OPCML: variants seen among roughly 807,000 people sequenced by gnomAD.
OPCML encodes opioid binding protein/cell adhesion molecule like, also known as opioid-binding protein/cell adhesion molecule.
OPCML carries 13 observed loss-of-function variants against 37.8 expected under a neutral mutation model. The ratio of observed to expected loss-of-function variants is 0.34; its 90% CI spans 0.22 to 0.55. The LOEUF (loss-of-function observed/expected upper bound fraction) is 0.55, where lower values mean the gene tolerates loss of function less well. OPCML is among the 20% of genes least tolerant of loss of function. OPCML has a pLI of 0.91. For missense variants in OPCML, 341 were observed against 435.6 expected (o/e 0.78, Z 1.93); for synonymous variants, 176 against 168.8 (o/e 1.04, Z -0.33).
intron 2 of OPCML, among the ~76,000 whole-genome samples, chr11:132,760,415 C>T (rs1463905591): frequency 1.3e-5 from 2 of 152,014 alleles, no homozygotes; most frequent in Non-Finnish European, 2.9e-5. Flanking sequence ...GTCTCCCCCT[C>T]TTATTGTGTG....
chr11:132,957,164 T>G (rs1292547674), intron 1 of OPCML, among the ~76,000 whole-genome samples: 1 of 152,046 alleles, frequency 6.6e-6, no homozygotes, highest in Non-Finnish European at 1.5e-5. Context: ...AAACAGTCCC[T>G]CTGGGTCATG....
rs538113259 is a variant in OPCML, at chr11:132,957,669, A to G, written c.62-14659T>C. 2.0e-5 allele frequency among the ~76,000 whole-genome samples: 3 copies of G among 151,542 alleles called. No homozygotes were observed. The East Asian group carries it at 5.8e-4, about 29-fold the overall frequency. Reference sequence around the variant, plus strand: ...TATCGGCACCATTTTTTCCAGCAACATGTACTCACTCTGTCTCTGTGCCAC... The same window carrying G: ...TATCGGCACCATTTTTTCCAGCAACGTGTACTCACTCTGTCTCTGTGCCAC... On this transcript the variant is annotated intron_variant, in intron 1 of 7. Transcript: ENST00000524381.
intron 3 of OPCML, among the ~76,000 whole-genome samples, chr11:132,653,425 G>A (rs1941537218): frequency 6.6e-6 from 1 of 152,094 alleles, no homozygotes; most frequent in Non-Finnish European, 1.5e-5. Flanking sequence ...GCTCTGCGGG[G>A]CTGCCAGGCT....
At chr11:132,854,625 A>T (rs1446058700) in intron 2 of OPCML, among the ~76,000 whole-genome samples, 1 of 152,240 alleles carries the variant, frequency 6.6e-6, no homozygotes, top group Non-Finnish European at 1.5e-5. Flanking sequence ...GGGAGGAAAC[A>T]AGGATAAAAA....
chr11:133,161,128 G>T (rs1950136141), intron 1 of OPCML, among the ~76,000 whole-genome samples: 1 of 152,224 alleles, frequency 6.6e-6, no homozygotes, highest in Admixed American at 6.5e-5. Flanking sequence ...AGACAAGCCA[G>T]GGCACACCTT....
At chr11:132,508,118 C>A (rs568487581) in intron 4 of OPCML, among the ~76,000 whole-genome samples, 1 of 152,172 alleles carries the variant, frequency 6.6e-6, no homozygotes, top group South Asian at 2.1e-4. Context: ...GGCAAAGTAA[C>A]CGTTAACCAT....
intron 2 of OPCML, among the ~76,000 whole-genome samples, chr11:132,858,336 C>T (rs1156939511): frequency 6.6e-6 from 1 of 152,178 alleles, no homozygotes; most frequent in Admixed American, 6.5e-5. Flanking sequence ...GCCAGGGTGC[C>T]TCCTTCCTCT....
intron 3 of OPCML, among the ~76,000 whole-genome samples, chr11:132,579,108 G>A (rs2137618178): frequency 6.6e-6 from 1 of 152,266 alleles, no homozygotes; most frequent in African/African-American, 2.4e-5. Flanking sequence ...ATCAACTGGG[G>A]GGAGGCCTAT....
At chr11:132,773,871 A>C (rs538687491) in intron 2 of OPCML, among the ~76,000 whole-genome samples, 1 of 152,306 alleles carries the variant, frequency 6.6e-6, no homozygotes, top group South Asian at 2.1e-4. Flanking sequence ...AAACATACTT[A>C]GAAACAACTC....
At chr11:132,915,229 A>AC (rs1327058938) in intron 2 of OPCML, among the ~76,000 whole-genome samples, 1 of 152,094 alleles carries the variant, frequency 6.6e-6, no homozygotes, top group Non-Finnish European at 1.5e-5. Context: ...TCAACATTAT[A>AC]TATGTGAACG....
At chr11:132,802,832 AG>A (rs1227881278) in intron 2 of OPCML, among the ~76,000 whole-genome samples, 2 of 152,160 alleles carry the variant, frequency 1.3e-5, no homozygotes, top group Admixed American at 6.5e-5. Context: ...TGATTTCTGT[AG>A]GTAGATGGGA....
chr11:132,970,376 A>T (rs1432768118), intron 1 of OPCML, among the ~76,000 whole-genome samples: 1 of 152,176 alleles, frequency 6.6e-6, no homozygotes, highest in Non-Finnish European at 1.5e-5. Flanking sequence ...AAAAATGCAA[A>T]GGAGAGAAAT....
intron 1 of OPCML, among the ~76,000 whole-genome samples, chr11:133,245,911 G>A (rs1940906416): frequency 6.6e-6 from 1 of 151,998 alleles, no homozygotes; most frequent in African/African-American, 2.4e-5. Flanking sequence ...AGTGGGAGTT[G>A]AACAATGAGA....
At chr11:133,434,422 A>G (rs1297272074) in intron 1 of OPCML, among the ~76,000 whole-genome samples, 1 of 150,962 alleles carries the variant, frequency 6.6e-6, no homozygotes, top group Non-Finnish European at 1.5e-5. Context: ...TATTGAATAT[A>G]TATCAGACCT....
chr11:133,518,798 T>C (rs1213158256), intron 1 of OPCML, among the ~76,000 whole-genome samples: 1 of 151,958 alleles, frequency 6.6e-6, no homozygotes, highest in African/African-American at 2.4e-5. Context: ...TCCTGGTGTG[T>C]TGGGGGCTGG....
intron 1 of OPCML, among the ~76,000 whole-genome samples, chr11:133,246,985 C>A (rs1432251824): frequency 6.6e-6 from 1 of 151,902 alleles, no homozygotes; most frequent in Non-Finnish European, 1.5e-5. Context: ...GTGCCAGTAG[C>A]CGAAACATGA....
At chr11:132,455,652 T>C (rs895130328) in intron 4 of OPCML, among the ~76,000 whole-genome samples, 3 of 152,232 alleles carry the variant, frequency 2.0e-5, no homozygotes, top group African/African-American at 7.2e-5. Context: ...ATATGTTCAC[T>C]GTACATTTAA....
At chr11:132,727,087 C>G (rs1240084709) in intron 2 of OPCML, among the ~76,000 whole-genome samples, 1 of 152,164 alleles carries the variant, frequency 6.6e-6, no homozygotes, top group Non-Finnish European at 1.5e-5. Flanking sequence ...CGGGGACTCA[C>G]TTGTGCCAGA....
chr11:132,784,398 A>C (rs187211099), intron 2 of OPCML, among the ~76,000 whole-genome samples: 56 of 152,120 alleles, frequency 3.7e-4, no homozygotes, highest in African/African-American at 1.3e-3. Flanking sequence ...CACAGCACCA[A>C]CTTCCAATCT....
Sources: allele counts gnomAD v4.1 joint callset (sites outside exome capture counted in the v4.1 genomes callset), GRCh38; gene constraint gnomAD v4.1.1; transcripts MANE v1.5; gene names NCBI Gene and HGNC (gene_info 2026-07-23, HGNC 2026-07-21).